The following TEX11 variants were observed in gnomAD, a reference collection of about 807,000 sequenced individuals.
TEX11 encodes the protein testis expressed 11, also known as testis-expressed protein 11.
A neutral mutation model predicts 84.4 loss-of-function variants in TEX11; 7 were observed. That is an observed-to-expected ratio of 0.08 (90% CI 0.05 to 0.16). The LOEUF (loss-of-function observed/expected upper bound fraction) is 0.16, where lower values mean the gene tolerates loss of function less well. Ranked by LOEUF, TEX11 falls within the 10% of genes least tolerant of loss-of-function variation. The pLI, the probability that TEX11 is intolerant of heterozygous loss-of-function variation, is 1.00. For synonymous variants in TEX11, 264 were observed against 222.8 expected (o/e 1.18, Z -1.64); for missense variants, 551 against 660.5 (o/e 0.83, Z 1.82).
intron 20 of TEX11, among the ~76,000 whole-genome samples, chrX:70,611,447 G>C (rs1356137339): frequency 2.7e-5 from 3 of 111,920 alleles, no homozygotes; most frequent in African/African-American, 9.7e-5. Context: ...GCTCAGTGTG[G>C]ACAAGTCTGA....
intron 4 of TEX11, 35 bp downstream of exon 4, chrX:70,873,188 C>T (rs5937008): frequency 0.48 from 385,315 of 809,584 alleles, 67,209 homozygotes; most frequent in East Asian, 0.59. Context: ...AGTAAGAACA[C>T]GCCTCATAAT....
At chrX:70,615,889 T>C (rs1350279054) in intron 20 of TEX11, among the ~76,000 whole-genome samples, 2 of 107,262 alleles carry the variant, frequency 1.9e-5, no homozygotes, top group African/African-American at 7.5e-5. Context: ...TTCAAAGTGT[T>C]GAAGGAAAAA....
intron 25 of TEX11, among the ~76,000 whole-genome samples, chrX:70,584,057 A>G (rs1437184278): frequency 9.1e-6 from 1 of 109,680 alleles, no homozygotes; most frequent in East Asian, 2.8e-4. Flanking sequence ...AGGCGGGTGG[A>G]TCATGAGGTC....
At chrX:70,622,537 C>T (rs1001243353) in intron 20 of TEX11, among the ~76,000 whole-genome samples, 4 of 111,348 alleles carry the variant, frequency 3.6e-5, no homozygotes, top group African/African-American at 9.8e-5. Context: ...TTAAATAAAT[C>T]GAATGGCAAT....
intron 13 of TEX11, 69 bp downstream of exon 13, chrX:70,722,549 C>T: frequency 1.1e-6 from 1 of 882,865 alleles, no homozygotes; most frequent in South Asian, 2.2e-5. Context: ...TGCTGGGATT[C>T]TAGGTGTGAG....
chrX:70,562,321 T>C (rs1298145440), intron 25 of TEX11, among the ~76,000 whole-genome samples: 1 of 111,696 alleles, frequency 9.0e-6, no homozygotes, highest in Non-Finnish European at 1.9e-5. Flanking sequence ...CCAACCCCAT[T>C]TTTTCCCGTA....
intron 13 of TEX11, among the ~76,000 whole-genome samples, chrX:70,709,708 C>A (rs1276715304): frequency 1.0e-5 from 1 of 98,638 alleles, no homozygotes; most frequent in Non-Finnish European, 2.1e-5. Flanking sequence ...TTATAACATT[C>A]AACAGTGTGT....
chrX:70,525,357 G>A (rs1033201317), downstream of TEX11, among the ~76,000 whole-genome samples: 2 of 110,539 alleles, frequency 1.8e-5, no homozygotes, highest in South Asian at 3.9e-4. Flanking sequence ...AGGCAGAGGC[G>A]GGCAGATCAT....
At chrX:70,718,084 C>T (rs80283649) in intron 13 of TEX11, among the ~76,000 whole-genome samples, 1,673 of 111,259 alleles carry the variant, frequency 0.015, 81 homozygotes, top group Admixed American at 0.11. Context: ...ATTCGGGTAC[C>T]GTATCAAGAG....
At chrX:70,907,630 G>T (rs1052594526) in intron 2 of TEX11, 123 bp downstream of exon 2, 2 of 503,829 alleles carry the variant, frequency 4.0e-6, no homozygotes, top group Non-Finnish European at 6.9e-6. Flanking sequence ...CTGACCTCGT[G>T]ATCCGCCCGC....
At chrX:70,776,516 C>G (rs768539791) in intron 9 of TEX11, among the ~76,000 whole-genome samples, 83 of 107,439 alleles carry the variant, frequency 7.7e-4, no homozygotes, top group African/African-American at 2.7e-3. Context: ...TGAGCCAAGA[C>G]TGCATCACTG....
intron 7 of TEX11, among the ~76,000 whole-genome samples, chrX:70,842,433 A>T (rs183025551): frequency 3.6e-5 from 4 of 110,957 alleles, no homozygotes; most frequent in Admixed American, 1.9e-4. Context: ...ATTCAACAAC[A>T]CTTCATGCTA....
At chrX:70,521,539 A>C in the TEX11 span, among the ~76,000 whole-genome samples, 2 of 111,449 alleles carry the variant, frequency 1.8e-5, no homozygotes, top group Non-Finnish European at 3.8e-5. Flanking sequence ...GGCCTCTCAA[A>C]GTGTTGGGAT....
At chrX:70,880,228 G>C in intron 2 of TEX11, 119 bp from the exon 3 acceptor site, 3 of 434,131 alleles carry the variant, frequency 6.9e-6, no homozygotes, top group Non-Finnish European at 1.0e-5. Flanking sequence ...GAAGGAACTT[G>C]ATCCTTAGAG....
chrX:70,629,464 G>T (rs2089484451), intron 18 of TEX11, 147 bp downstream of exon 18: 3 of 566,365 alleles, frequency 5.3e-6, no homozygotes, highest in Middle Eastern at 5.5e-4. Flanking sequence ...AAGAAATAAA[G>T]CAGTTCTGCA....
chrX:70,652,341 G>A (rs1030657749), intron 16 of TEX11, among the ~76,000 whole-genome samples: 1 of 111,521 alleles, frequency 9.0e-6, no homozygotes, highest in Non-Finnish European at 1.9e-5. Context: ...AGAACCATGA[G>A]TTGTACACGT....
the TEX11 span, among the ~76,000 whole-genome samples, chrX:70,523,609 A>G: frequency 2.7e-5 from 3 of 109,604 alleles, no homozygotes; most frequent in East Asian, 2.8e-4. Context: ...GACTACAGGC[A>G]CCCACCACCA....
intron 24 of TEX11, among the ~76,000 whole-genome samples, chrX:70,604,883 T>C (rs1360203085): frequency 9.0e-6 from 1 of 111,653 alleles, no homozygotes; most frequent in Non-Finnish European, 1.9e-5. Context: ...AGGGGTAACA[T>C]TTAAGAATCT....
intron 25 of TEX11, among the ~76,000 whole-genome samples, chrX:70,558,505 G>T (rs1169801611): frequency 8.9e-6 from 1 of 111,915 alleles, no homozygotes; most frequent in Non-Finnish European, 1.9e-5. Flanking sequence ...CATAACTTTT[G>T]ATTTGGCAAT....
Sources: gnomAD v4.1 joint callset for allele counts (sites outside exome capture counted in the v4.1 genomes callset) on GRCh38, gnomAD v4.1.1 for gene constraint, MANE v1.5 for transcripts, NCBI Gene and HGNC (gene_info 2026-07-23, HGNC 2026-07-21) for gene names.